Variants in PDE4C observed in about 807,000 individuals in gnomAD.
PDE4C encodes the protein 3',5'-cyclic-AMP phosphodiesterase 4C.
A neutral mutation model predicts 63.9 loss-of-function variants in PDE4C; 50 were observed. The ratio of observed to expected loss-of-function variants is 0.78; its 90% CI spans 0.62 to 0.99. The LOEUF is 0.99. PDE4C is among the 50% of genes least tolerant of loss of function. PDE4C has a pLI of 0.00. For missense variants in PDE4C, 777 were observed against 899.1 expected, an observed-to-expected ratio of 0.86 and a Z score of 1.74; for synonymous variants, 377 against 385.1, an observed-to-expected ratio of 0.98 and a Z score of 0.25.
upstream of PDE4C, among the ~76,000 whole-genome samples, chr19:18,237,309 TG>T (rs1197521099): frequency 6.6e-6 from 1 of 152,020 alleles, no homozygotes; most frequent in Non-Finnish European, 1.5e-5. Flanking sequence ...CCCAGCACTT[TG>T]GGAGGCCAAG....
chr19:18,208,887 C>T (rs1967806288), downstream of PDE4C: 1 of 152,074 alleles, frequency 6.6e-6, no homozygotes, highest in Non-Finnish European at 1.5e-5. Flanking sequence ...AATCAGGAGA[C>T]TTAGAGACCT....
chr19:18,249,937 T>C (rs184170015), upstream of PDE4C: 516 of 393,216 alleles, frequency 1.3e-3, 2 homozygotes, highest in African/African-American at 9.7e-3. Context: ...AGTAAAGACA[T>C]GGTCCCCACT....
chr19:18,239,792 G>A lies in PDE4C; in HGVS notation c.-209-6392C>T, dbSNP rs576781228. On this transcript the variant is annotated intron_variant, in intron 1 of 15. Transcript: ENST00000594617. Reference sequence around the variant, plus strand: ...TGTAATCCCAGCACTTTGGGAGGCTGAGGCAGGCGGATCGCTTAGGGTCAG... The same window carrying A: ...TGTAATCCCAGCACTTTGGGAGGCTAAGGCAGGCGGATCGCTTAGGGTCAG... 4.6e-5 allele frequency among the ~76,000 whole-genome samples: 7 copies of A among 152,276 alleles called. No homozygotes were observed. The East Asian group carries it at 1.4e-3, about 30-fold the overall frequency.
At position 18,220,963 on chromosome 19, in the gene PDE4C, C is replaced by T; in HGVS notation, c.450-40G>A. ...CCTCAGGCGTGGCTGCTCCGCCCAT[C>T]TCGCCCCGCCCCCAAGTCCACCAGG... On this transcript the variant is annotated intron_variant, in intron 4 of 14. Coordinates refer to ENST00000262805, the Ensembl canonical transcript of PDE4C. The surrounding 1 kb of genome is among the most constrained non-coding windows in gnomAD (Gnocchi z 5.1). 3.2e-6 allele frequency: 5 copies of T among 1,578,184 alleles called. No homozygotes were observed. The highest frequency in any genetic ancestry group is 4.3e-6 in the Non-Finnish European group (5 of 1,163,566).
intron 1 of PDE4C, among the ~76,000 whole-genome samples, chr19:18,240,243 C>T (rs1402051664): frequency 1.3e-5 from 2 of 150,516 alleles, no homozygotes; most frequent in Non-Finnish European, 3.0e-5. Context: ...CAAAACCAGC[C>T]TGGGCACCCC....
chr19:18,237,680 G>C (rs936613291), upstream of PDE4C, among the ~76,000 whole-genome samples: 1 of 151,846 alleles, frequency 6.6e-6, no homozygotes, highest in Admixed American at 6.6e-5. Flanking sequence ...ATACCATCCT[G>C]GCTAACATGG....
intron 1 of PDE4C, among the ~76,000 whole-genome samples, chr19:18,224,076 C>T (rs1968613801): frequency 6.6e-6 from 1 of 152,256 alleles, no homozygotes; most frequent in South Asian, 2.1e-4. Flanking sequence ...GGTCTTTGCA[C>T]AGGCCGTGCT....
chr19:18,247,365 A>G (rs4808772), intron 1 of PDE4C, among the ~76,000 whole-genome samples: 96,372 of 151,690 alleles, frequency 0.64, 31,194 homozygotes, highest in African/African-American at 0.77. Flanking sequence ...GCGTGATCTC[A>G]ACTCACTGCA....
At chr19:18,249,747 A>G (rs1367919693), upstream of PDE4C, among the ~76,000 whole-genome samples, 2 of 151,750 alleles carry the variant, frequency 1.3e-5, no homozygotes, top group Non-Finnish European at 2.9e-5. Context: ...TAATTTTTGT[A>G]TTTTTAGTAC....
upstream of PDE4C, chr19:18,250,164 T>C (rs573138542): frequency 1.9e-4 from 74 of 398,706 alleles, 2 homozygotes; most frequent in African/African-American, 1.4e-3. Flanking sequence ...GGACAATCTG[T>C]CATTCACGGA....
intron 1 of PDE4C, among the ~76,000 whole-genome samples, chr19:18,243,540 A>G (rs909501814): frequency 6.6e-6 from 1 of 152,164 alleles, no homozygotes; most frequent in East Asian, 1.9e-4. Context: ...GTGGGTTCCA[A>G]TTTCGCTGGA....
At chr19:18,218,127 C>T in intron 11 of PDE4C, 22 bp downstream of exon 11, 1 of 1,580,962 alleles carries the variant, frequency 6.3e-7, no homozygotes, top group Non-Finnish European at 8.7e-7. Flanking sequence ...TTCTCCTGCA[C>T]CCACTTCCCA....
upstream of PDE4C, chr19:18,252,475 G>T: frequency 2.6e-6 from 1 of 387,410 alleles, no homozygotes; most frequent in South Asian, 1.3e-4. Flanking sequence ...ACAATATCTG[G>T]AAAGAAAAAC....
chr19:18,255,354 C>T, the PDE4C span: 1 of 398,808 alleles, frequency 2.5e-6, no homozygotes. This position sits in a 1 kb window ranked among gnomAD's most constrained non-coding sequence, Gnocchi z 4.6. Flanking sequence ...GGTGTGTGGC[C>T]AGGTGTGTGC....
intron 2 of PDE4C, among the ~76,000 whole-genome samples, chr19:18,221,912 C>A (rs189094382): frequency 7.9e-4 from 120 of 152,336 alleles, no homozygotes; most frequent in African/African-American, 2.8e-3. Context: ...AGGCGTGAGC[C>A]ACCGTGCCCG....
Position 18,233,563 on chromosome 19 carries a change from T to A in PDE4C, c.-372A>T, listed in dbSNP as rs1026558200. 3 of 508,428 alleles carry A rather than the reference T, an allele frequency of 5.9e-6. No individual in the cohort carries two copies. The Admixed American group carries it at 6.8e-5, about 12-fold the overall frequency. The allele number at this position is 508,428 out of a possible 1,614,324, so 31.5% of individuals were successfully genotyped here. ...GGACTTGGAGTGGAGAAGACAGAAA[T>A]TGTCCACTGATCGCTGCTAAATGGA... On this transcript the variant is annotated 5_prime_UTR_variant, in exon 1 of 15. Coordinates refer to the PDE4C transcript ENST00000594465.
chr19:18,251,275 G>A (rs190954941), upstream of PDE4C, among the ~76,000 whole-genome samples: 35 of 150,188 alleles, frequency 2.3e-4, no homozygotes, highest in African/African-American at 7.6e-4. Context: ...ACAGGCGCCC[G>A]CCACCATGCC....
chr19:18,217,048 C>T lies in PDE4C; in HGVS notation c.1235-153G>A, dbSNP rs531558602. On this transcript the variant is annotated intron_variant, in intron 11 of 14. Transcript: ENST00000262805. Reference sequence around the variant, plus strand: ...TGTAAGAAACCATCCAGGTCCCTGGCGCTTCCCTGACTGCAGGGCTAGGGT... The same window carrying T: ...TGTAAGAAACCATCCAGGTCCCTGGTGCTTCCCTGACTGCAGGGCTAGGGT... 7.2e-4 allele frequency: 566 copies of T among 789,838 alleles called. 8 individuals are homozygous for T. The Middle Eastern group carries it at 0.016, about 23-fold the overall frequency. 48.9% of individuals were successfully genotyped at this position (789,838 alleles called of 1,614,324 possible).
chr19:18,218,108 G>A, intron 11 of PDE4C, 41 bp downstream of exon 11: 1 of 1,454,306 alleles, frequency 6.9e-7, no homozygotes, highest in Non-Finnish European at 9.6e-7. Context: ...TGGAGGCAGG[G>A]TCCACCTCTT....
Sources: allele counts gnomAD v4.1 joint callset (sites outside exome capture counted in the v4.1 genomes callset), GRCh38; gene constraint gnomAD v4.1.1; non-coding constraint Gnocchi (gnomAD v3.1); transcripts MANE v1.5; gene names NCBI Gene and HGNC (gene_info 2026-07-23, HGNC 2026-07-21).